The following THRB variants were observed in gnomAD, a reference collection of about 807,000 sequenced individuals.
THRB encodes the protein thyroid hormone receptor beta, also known as nuclear receptor subfamily 1 group A member 2.
A neutral mutation model predicts 47.8 loss-of-function variants in THRB; 12 were observed. The observed-to-expected ratio is 0.25, with a 90% confidence interval of 0.16 to 0.41. The LOEUF (loss-of-function observed/expected upper bound fraction) is 0.41, where lower values mean the gene tolerates loss of function less well. Ranked by LOEUF, THRB falls within the 10% of genes least tolerant of loss-of-function variation. The pLI is 1.00. For missense variants in THRB, 348 were observed against 589.2 expected, an observed-to-expected ratio of 0.59 and a Z score of 4.24; for synonymous variants, 218 against 212.2, an observed-to-expected ratio of 1.03 and a Z score of -0.24.
chr3:24,480,921 T>C lies in THRB; in HGVS notation c.-261+13731A>G, dbSNP rs74840415. Among the ~76,000 whole-genome samples the C allele has an allele frequency of 5.7e-3, 866 of 152,282 alleles. 27 individuals carry two copies. In the East Asian group the frequency reaches 0.058, roughly 10 times the overall value. On this transcript the variant is annotated intron_variant, in intron 1 of 10. Transcript: ENST00000646209. The stretch of plus-strand genomic sequence containing the variant: ...TCCTCCTATCAGTGAAAAGAAAATT[T>C]AAAAAGCGATGGAGCTTGACACTTT...
intron 3 of THRB, among the ~76,000 whole-genome samples, chr3:24,249,402 T>C (rs1278287336): frequency 6.6e-6 from 1 of 152,180 alleles, no homozygotes; most frequent in Non-Finnish European, 1.5e-5. Context: ...GTGATAATTA[T>C]TTTAAACCAA....
intron 4 of THRB, among the ~76,000 whole-genome samples, chr3:24,192,551 A>T (rs1274406643): frequency 6.6e-6 from 1 of 152,194 alleles, no homozygotes; most frequent in Non-Finnish European, 1.5e-5. Context: ...CACAGAAATT[A>T]AGAAAAACAG....
intron 2 of THRB, among the ~76,000 whole-genome samples, chr3:24,313,087 A>G (rs1351193447): frequency 6.6e-6 from 1 of 152,006 alleles, no homozygotes; most frequent in African/African-American, 2.4e-5. Context: ...TATGATTTCT[A>G]GGTTTTGGGA....
chr3:24,419,608 G>A (rs2069058342), intron 1 of THRB, among the ~76,000 whole-genome samples: 1 of 151,910 alleles, frequency 6.6e-6, no homozygotes, highest in African/African-American at 2.4e-5. Context: ...TCTGGACTCC[G>A]AGTTCATTGC....
intron 7 of THRB, chr3:24,144,985 G>C (rs1273274531): frequency 6.6e-6 from 1 of 151,474 alleles, no homozygotes; most frequent in Non-Finnish European, 1.5e-5. Context: ...CTAATTTAAA[G>C]AGAATATTAA....
chr3:24,285,356 C>G (rs2055158044), intron 3 of THRB, among the ~76,000 whole-genome samples: 1 of 148,988 alleles, frequency 6.7e-6, no homozygotes, highest in Admixed American at 6.8e-5. Flanking sequence ...ACCGCATATT[C>G]TCACTCATAG....
At chr3:24,374,204 G>C (rs935406714) in intron 1 of THRB, among the ~76,000 whole-genome samples, 1 of 152,078 alleles carries the variant, frequency 6.6e-6, no homozygotes, top group African/African-American at 2.4e-5. Context: ...TGTAGATTTA[G>C]TTTGTACTAT....
chr3:24,329,855 T>G (rs1466481047), intron 2 of THRB, among the ~76,000 whole-genome samples: 1 of 152,222 alleles, frequency 6.6e-6, no homozygotes, highest in African/African-American at 2.4e-5. Flanking sequence ...CTGGGGAACT[T>G]GTTAAAGTGC....
At chr3:24,435,999 G>A (rs1030118305) in intron 1 of THRB, among the ~76,000 whole-genome samples, 1 of 152,128 alleles carries the variant, frequency 6.6e-6, no homozygotes, top group East Asian at 1.9e-4. Flanking sequence ...CAGAGCAGTC[G>A]TGGGAGAAAG....
intron 1 of THRB, among the ~76,000 whole-genome samples, chr3:24,357,083 T>G (rs17787343): frequency 0.013 from 1,898 of 151,694 alleles, 23 homozygotes; most frequent in Non-Finnish European, 0.017. Flanking sequence ...AGGCTCTTAT[T>G]TATGGTGAGG....
intron 1 of THRB, among the ~76,000 whole-genome samples, chr3:24,476,904 T>C (rs1309412339): frequency 1.3e-5 from 2 of 152,168 alleles, no homozygotes; most frequent in Non-Finnish European, 2.9e-5. Context: ...GAAAATGATC[T>C]CATTATCTCA....
intron 1 of THRB, among the ~76,000 whole-genome samples, chr3:24,481,923 C>T (rs749568796): frequency 6.6e-5 from 10 of 151,750 alleles, no homozygotes; most frequent in Non-Finnish European, 1.5e-4. Flanking sequence ...TTATTATTAC[C>T]TTTTGCAAAC....
rs570246408 is a variant in THRB, at chr3:24,432,811, A to G, written c.-261+61841T>C. Among the ~76,000 whole-genome samples, 14 of 152,078 alleles carry G rather than the reference A, an allele frequency of 9.2e-5. 1 individual carries two copies. The highest frequency in any genetic ancestry group is 8.5e-4 in the Admixed American group (13 of 15,242). On this transcript the variant is annotated intron_variant, in intron 1 of 10. Coordinates refer to ENST00000646209, the MANE Select transcript of THRB (RefSeq NM_001354712.2). ...TTTAAGGTTTGAAAATTAAAATATC[A>G]GCTCACAACAGCTAGTTGGATGACT... is the stretch of plus-strand genomic sequence containing the variant.
chr3:24,412,873 T>G (rs868589982), intron 1 of THRB, among the ~76,000 whole-genome samples: 7 of 151,820 alleles, frequency 4.6e-5, no homozygotes, highest in Non-Finnish European at 8.8e-5. Context: ...ACAGAAAATT[T>G]TAAAAATGAA....
At chr3:24,453,202 G>A (rs2072838971) in intron 1 of THRB, among the ~76,000 whole-genome samples, 3 of 151,912 alleles carry the variant, frequency 2.0e-5, no homozygotes, top group Non-Finnish European at 2.9e-5. Context: ...ATTAATAGCA[G>A]CAACAGTTAT....
rs1360367092 is a variant in THRB at position 24,299,766 on chromosome 3, C to CTTTTTTTTTTTT, written c.-188-2396_-188-2395insAAAAAAAAAAAA. Among the ~76,000 whole-genome samples, 40 of 58,528 alleles carry CTTTTTTTTTTTT rather than the reference C, an allele frequency of 6.8e-4. 15 individuals are homozygous for CTTTTTTTTTTTT. Among genetic ancestry groups the CTTTTTTTTTTTT allele is most frequent in the African/African-American group, 2.7e-3 (33 of 12,342 alleles). 38.4% of individuals were successfully genotyped at this position (58,528 alleles called of 152,430 possible). Reference sequence around the variant, plus strand: ...GCCTTGAGGCTTCTGGGGAAGTATGCTTTTTTATTTATTTATTTATTTATT... The same window carrying CTTTTTTTTTTTT: ...GCCTTGAGGCTTCTGGGGAAGTATGCTTTTTTTTTTTTTTTTTTATTTATTTATTTATTTATT... On this transcript the variant is annotated intron_variant, in intron 2 of 10. Coordinates refer to ENST00000646209, the MANE Select transcript of THRB (RefSeq NM_001354712.2).
chr3:24,385,412 TACACAC>T (rs111954578), intron 1 of THRB, among the ~76,000 whole-genome samples: 11 of 145,328 alleles, frequency 7.6e-5, no homozygotes, highest in African/African-American at 1.3e-4. Flanking sequence ...CACACACACA[TACACAC>T]ACACACACAC....
At chr3:24,493,344 T>C (rs1698471976) in intron 1 of THRB, among the ~76,000 whole-genome samples, 1 of 152,232 alleles carries the variant, frequency 6.6e-6, no homozygotes, top group African/African-American at 2.4e-5. Context: ...ATGCTATACA[T>C]TCTTACAATT....
At chr3:24,383,921 A>G (rs1265313159) in intron 1 of THRB, among the ~76,000 whole-genome samples, 1 of 152,168 alleles carries the variant, frequency 6.6e-6, no homozygotes, top group Non-Finnish European at 1.5e-5. Flanking sequence ...TGATGGAACT[A>G]CTAGCTCCTA....
Sources: gnomAD v4.1 joint callset for allele counts (sites outside exome capture counted in the v4.1 genomes callset) on GRCh38, gnomAD v4.1.1 for gene constraint, MANE v1.5 for transcripts, NCBI Gene and HGNC (gene_info 2026-07-23, HGNC 2026-07-21) for gene names.